The following ADAMTS17 variants were observed in gnomAD, a reference collection of about 807,000 sequenced individuals.
ADAMTS17 encodes the protein ADAM metallopeptidase with thrombospondin type 1 motif 17.
Under a neutral mutation model 141.5 loss-of-function variants are expected in ADAMTS17, and 113 were observed. That is an observed-to-expected ratio of 0.80 (90% CI 0.69 to 0.93). The LOEUF (loss-of-function observed/expected upper bound fraction) is 0.93, where lower values mean the gene tolerates loss of function less well. ADAMTS17 is among the 40% of genes least tolerant of loss of function. The pLI is 0.00. For missense variants in ADAMTS17, 1,659 were observed against 1,517.9 expected, an observed-to-expected ratio of 1.09 and a Z score of -1.54; for synonymous variants, 768 against 630.6, an observed-to-expected ratio of 1.22 and a Z score of -3.27.
At chr15:100,054,516 AC>A (rs1194486768) in intron 15 of ADAMTS17, among the ~76,000 whole-genome samples, 1 of 152,074 alleles carries the variant, frequency 6.6e-6, no homozygotes, top group African/African-American at 2.4e-5. Flanking sequence ...CCTATTACCT[AC>A]CTGGGGTTCC....
At chr15:100,002,592 C>A (rs573304790) in intron 18 of ADAMTS17, among the ~76,000 whole-genome samples, 8 of 151,954 alleles carry the variant, frequency 5.3e-5, no homozygotes, top group East Asian at 1.9e-4. Flanking sequence ...GCCAGATCTG[C>A]GGGGAAACAG....
chr15:100,270,986 G>T, intron 4 of ADAMTS17, among the ~76,000 whole-genome samples: 1 of 151,692 alleles, frequency 6.6e-6, no homozygotes, highest in African/African-American at 2.4e-5. Flanking sequence ...CTACGTAAGT[G>T]GAATCACAGT....
At chr15:100,096,602 A>G (rs1596410512) in intron 14 of ADAMTS17, 126 bp from the exon 15 acceptor site, 1 of 1,165,142 alleles carries the variant, frequency 8.6e-7, no homozygotes, top group African/African-American at 1.5e-5. Flanking sequence ...TGATCCATTC[A>G]GAGGCCCAAG....
In ADAMTS17 at chr15:100,155,342, G is replaced by C. The variant is rs1390224209; in HGVS notation, c.1182-22C>G. The C allele has an allele frequency of 2.5e-6, 4 of 1,609,820 alleles. No individual in the cohort carries two copies. The African/African-American group carries it at 4.0e-5, about 16-fold the overall frequency. On this transcript the variant is annotated intron_variant, in intron 8 of 21. Transcript: ENST00000268070. ...CAAGCTGTCCAAGAAGGAGGAGAGA[G>C]GGATGCTTATGCTACAAGCTTCTCA...
chr15:99,990,400 T>G (rs1419749640), intron 20 of ADAMTS17, among the ~76,000 whole-genome samples: 3 of 152,176 alleles, frequency 2.0e-5, no homozygotes, highest in Non-Finnish European at 4.4e-5. Context: ...AGATACATCC[T>G]GGCAGCTCCA....
chr15:100,092,015 G>C (rs1395085891), intron 15 of ADAMTS17, among the ~76,000 whole-genome samples: 3 of 152,142 alleles, frequency 2.0e-5, no homozygotes, highest in Non-Finnish European at 2.9e-5. Flanking sequence ...AGACCAGAAG[G>C]GTGTTACCAA....
chr15:100,027,384 A>G (rs1348528950), intron 18 of ADAMTS17, among the ~76,000 whole-genome samples: 1 of 152,182 alleles, frequency 6.6e-6, no homozygotes, highest in Admixed American at 6.5e-5. Flanking sequence ...TCTTAGCTCC[A>G]CAATTAAACA....
At chr15:100,263,151 G>T (rs2043590314) in intron 4 of ADAMTS17, among the ~76,000 whole-genome samples, 1 of 152,186 alleles carries the variant, frequency 6.6e-6, no homozygotes, top group Admixed American at 6.5e-5. Flanking sequence ...CATGCTTGGG[G>T]TTTAAGGCGA....
chr15:100,188,578 A>G (rs1252450182), intron 8 of ADAMTS17, among the ~76,000 whole-genome samples: 1 of 152,224 alleles, frequency 6.6e-6, no homozygotes, highest in Non-Finnish European at 1.5e-5. Flanking sequence ...ACAAGTTTGT[A>G]AATATCCAAG....
At chr15:99,989,020 C>A (rs1196115596) in intron 20 of ADAMTS17, among the ~76,000 whole-genome samples, 1 of 152,172 alleles carries the variant, frequency 6.6e-6, no homozygotes, top group African/African-American at 2.4e-5. Flanking sequence ...CTGAGGACAG[C>A]CAGGCCTTGG....
chr15:100,004,617 CTTTTTTTT>C (rs10591279), intron 18 of ADAMTS17, among the ~76,000 whole-genome samples: 3 of 116,230 alleles, frequency 2.6e-5, no homozygotes, highest in African/African-American at 3.4e-5. Context: ...TACTGTAATT[CTTTTTTTT>C]TTTTTTTTTT....
intron 7 of ADAMTS17, among the ~76,000 whole-genome samples, chr15:100,252,709 T>C (rs2043191559): frequency 6.6e-6 from 1 of 152,172 alleles, no homozygotes. Context: ...GGCCTTTGTC[T>C]AGCAATTCCC....
intron 3 of ADAMTS17, among the ~76,000 whole-genome samples, chr15:100,295,568 C>A (rs2044779882): frequency 1.3e-5 from 2 of 152,182 alleles, no homozygotes; most frequent in Admixed American, 1.3e-4. Context: ...CATGGTCTGT[C>A]CCTTCAAAGG....
At chr15:100,295,954 G>A (rs2044795049) in intron 3 of ADAMTS17, among the ~76,000 whole-genome samples, 1 of 152,154 alleles carries the variant, frequency 6.6e-6, no homozygotes, top group African/African-American at 2.4e-5. Context: ...CCATAGACAG[G>A]AAAGTTGGCC....
chr15:100,131,834 G>A (rs1447122663), intron 12 of ADAMTS17, among the ~76,000 whole-genome samples, 173 bp downstream of exon 12: 1 of 152,236 alleles, frequency 6.6e-6, no homozygotes, highest in Non-Finnish European at 1.5e-5. Flanking sequence ...TTTAAGCTGA[G>A]ATGTCATTTG....
At chr15:100,107,868 C>G (rs2036503135) in intron 14 of ADAMTS17, among the ~76,000 whole-genome samples, 1 of 152,130 alleles carries the variant, frequency 6.6e-6, no homozygotes, top group African/African-American at 2.4e-5. Flanking sequence ...TACAGGTGCC[C>G]AAGCTGACTA....
At chr15:100,025,857 T>C (rs1479497918) in intron 18 of ADAMTS17, among the ~76,000 whole-genome samples, 1 of 152,250 alleles carries the variant, frequency 6.6e-6, no homozygotes, top group African/African-American at 2.4e-5. Flanking sequence ...GTTATTTCTT[T>C]ACTGTTTATT....
At chr15:100,200,402 C>A (rs974230522) in intron 7 of ADAMTS17, among the ~76,000 whole-genome samples, 1 of 152,062 alleles carries the variant, frequency 6.6e-6, no homozygotes, top group African/African-American at 2.4e-5. Flanking sequence ...GGAGGGCGAG[C>A]CCATGCCGGC....
chr15:100,267,735 T>C (rs1270780775), intron 4 of ADAMTS17, among the ~76,000 whole-genome samples: 1 of 152,172 alleles, frequency 6.6e-6, no homozygotes, highest in Non-Finnish European at 1.5e-5. Context: ...AAAAATTTTA[T>C]TTCTAATCTT....
Sources: allele counts gnomAD v4.1 joint callset (sites outside exome capture counted in the v4.1 genomes callset), GRCh38; gene constraint gnomAD v4.1.1; transcripts MANE v1.5; gene names NCBI Gene and HGNC (gene_info 2026-07-23, HGNC 2026-07-21).